The following PALM2AKAP2 variants were observed in gnomAD, a reference collection of about 807,000 sequenced individuals.
PALM2AKAP2 encodes the protein PALM2-AKAP2 fusion protein.
Under a neutral mutation model 71.5 loss-of-function variants are expected in PALM2AKAP2, and 37 were observed. That is an observed-to-expected ratio of 0.52 (90% CI 0.40 to 0.68). The LOEUF (loss-of-function observed/expected upper bound fraction) is 0.68. Ranked by LOEUF, PALM2AKAP2 falls within the 30% of genes least tolerant of loss-of-function variation. The pLI is 0.00. For missense variants in PALM2AKAP2, 1,224 were observed against 1,191.8 expected (o/e 1.03, Z -0.40); for synonymous variants, 468 against 478.8 (o/e 0.98, Z 0.29).
At chr9:109,730,992 C>T (rs1347428206) in intron 1 of PALM2AKAP2, among the ~76,000 whole-genome samples, 2 of 152,054 alleles carry the variant, frequency 1.3e-5, no homozygotes, top group Non-Finnish European at 2.9e-5. Flanking sequence ...GAAGTGCTTT[C>T]CTTTGCTTTC....
intron 1 of PALM2AKAP2, among the ~76,000 whole-genome samples, chr9:109,717,755 C>T (rs1828347747): frequency 6.6e-6 from 1 of 152,196 alleles, no homozygotes; most frequent in African/African-American, 2.4e-5. Context: ...GCAGCCTAAG[C>T]CCTCGACAGA....
At position 110,091,435 on chromosome 9, in the gene PALM2AKAP2, G is replaced by C. The variant is rs137873512; in HGVS notation, c.156+42580G>C. On this transcript the variant is annotated intron_variant, in intron 1 of 3. Transcript: ENST00000374525. The stretch of plus-strand genomic sequence containing the variant: ...GTGTGTGTGTGTGTCTGTGTGATGG[G>C]CTTTTTAATCTTTGAGATTTATTCT... Among the ~76,000 whole-genome samples the C allele has an allele frequency of 1.2e-3, 163 of 141,694 alleles. 2 individuals are homozygous for C. The East Asian group carries it at 0.029, about 25-fold the overall frequency. The allele number at this position is 141,694 out of a possible 152,430, so 93.0% of individuals were successfully genotyped here. A position where few individuals can be genotyped will look rare whatever the true frequency, so the allele number is the denominator to read the frequency against.
intron 1 of PALM2AKAP2, among the ~76,000 whole-genome samples, chr9:109,667,621 C>G (rs2118478667): frequency 6.6e-6 from 1 of 152,040 alleles, no homozygotes; most frequent in East Asian, 1.9e-4. Flanking sequence ...GAAACCCCAT[C>G]TCTACTAAAA....
chr9:110,066,069 G>T (rs535494190), intron 1 of PALM2AKAP2, among the ~76,000 whole-genome samples: 1 of 152,298 alleles, frequency 6.6e-6, no homozygotes, highest in Non-Finnish European at 1.5e-5. Flanking sequence ...CTTTGGAGAA[G>T]TTCACTATCC....
chr9:110,050,862 A>G (rs1345306619), intron 1 of PALM2AKAP2, among the ~76,000 whole-genome samples: 3 of 152,178 alleles, frequency 2.0e-5, no homozygotes, highest in African/African-American at 7.2e-5. Context: ...TCCTGACCTT[A>G]GGTGATTCAC....
intron 1 of PALM2AKAP2, chr9:110,090,376 A>G (rs771472019): frequency 4.2e-5 from 19 of 456,626 alleles, no homozygotes; most frequent in Middle Eastern, 3.2e-4. Flanking sequence ...AGGGAAAGTT[A>G]GGTCATGATT....
chr9:110,089,274 C>A (rs1461428795), intron 1 of PALM2AKAP2, among the ~76,000 whole-genome samples: 2 of 152,090 alleles, frequency 1.3e-5, no homozygotes, highest in African/African-American at 4.8e-5. Context: ...GAAAATGGGG[C>A]TGAAGCCAAG....
intron 5 of PALM2AKAP2, among the ~76,000 whole-genome samples, chr9:109,930,311 C>T (rs949172518): frequency 1.3e-5 from 2 of 152,040 alleles, no homozygotes; most frequent in African/African-American, 4.8e-5. Context: ...CTGCAACCTC[C>T]GCCTCCTGGG....
At chr9:110,135,164 A>AAAAAAAATAT in intron 1 of PALM2AKAP2, among the ~76,000 whole-genome samples, 1 of 51,734 alleles carries the variant, frequency 1.9e-5, no homozygotes, top group African/African-American at 7.3e-5. Flanking sequence ...AAAAAAAAAA[A>AAAAAAAATAT]ATATATAAAT....
At chr9:109,840,270 A>T (rs1158262200) in intron 1 of PALM2AKAP2, among the ~76,000 whole-genome samples, 7 of 152,220 alleles carry the variant, frequency 4.6e-5, no homozygotes, top group Non-Finnish European at 8.8e-5. Flanking sequence ...TGGGGAAAGG[A>T]TTCCCTATTT....
At chr9:109,729,212 A>C (rs1828518084) in intron 1 of PALM2AKAP2, among the ~76,000 whole-genome samples, 1 of 152,104 alleles carries the variant, frequency 6.6e-6, no homozygotes, top group Admixed American at 6.6e-5. Flanking sequence ...TCCTCCGTTA[A>C]TGTGCTAGGT....
In PALM2AKAP2 at chr9:109,693,808, G is replaced by C. The variant is rs143730520; in HGVS notation, c.5+52942G>C. ...TCAATTCCATTGTGGTAAAATTTCAGTCCTTAAACTTATTGATACTTGTTT... is the reference window on the plus strand; with the variant it reads ...TCAATTCCATTGTGGTAAAATTTCACTCCTTAAACTTATTGATACTTGTTT... On this transcript the variant is annotated intron_variant, in intron 1 of 6. Transcript: ENST00000374531. Among the ~76,000 whole-genome samples, 257 of 152,048 alleles carry C rather than the reference G, an allele frequency of 1.7e-3. 1 individual carries two copies. The highest frequency in any genetic ancestry group is 5.7e-3 in the African/African-American group (235 of 41,522).
chr9:110,004,849 G>A (rs547299871), intron 6 of PALM2AKAP2, among the ~76,000 whole-genome samples: 6 of 152,224 alleles, frequency 3.9e-5, no homozygotes, highest in Non-Finnish European at 5.9e-5. Flanking sequence ...CATTCATCAC[G>A]TAGTTCTCGT....
intron 1 of PALM2AKAP2, among the ~76,000 whole-genome samples, chr9:109,647,693 C>T (rs1416350361): frequency 6.6e-6 from 1 of 152,200 alleles, no homozygotes; most frequent in African/African-American, 2.4e-5. Context: ...GGTCTGTGCT[C>T]TTGCTCTGTC....
intron 1 of PALM2AKAP2, among the ~76,000 whole-genome samples, chr9:109,831,567 C>T (rs1226188482): frequency 3.9e-5 from 6 of 152,264 alleles, no homozygotes; most frequent in Admixed American, 2.0e-4. Flanking sequence ...TTCTGGGAGT[C>T]GTTTGCAGGC....
chr9:110,088,410 G>A (rs1218702259), intron 1 of PALM2AKAP2, among the ~76,000 whole-genome samples: 1 of 152,230 alleles, frequency 6.6e-6, no homozygotes, highest in Non-Finnish European at 1.5e-5. Flanking sequence ...TGAAGATTTG[G>A]CCCAAGGCCA....
intron 1 of PALM2AKAP2, among the ~76,000 whole-genome samples, chr9:109,842,997 G>A (rs576414368): frequency 3.3e-5 from 5 of 151,830 alleles, no homozygotes; most frequent in South Asian, 2.1e-4. Context: ...AAAATTTGCC[G>A]GGCGTGGTGG....
intron 1 of PALM2AKAP2, among the ~76,000 whole-genome samples, chr9:109,646,707 C>G (rs1827160713): frequency 6.6e-6 from 1 of 152,194 alleles, no homozygotes; most frequent in African/African-American, 2.4e-5. Context: ...GTATGAAGCA[C>G]TGTGATAGGT....
At chr9:110,037,356 G>A (rs1345238539) in intron 7 of PALM2AKAP2, among the ~76,000 whole-genome samples, 1 of 152,050 alleles carries the variant, frequency 6.6e-6, no homozygotes. Context: ...ACAGACATGC[G>A]CCACCACGCC....
Sources: allele counts gnomAD v4.1 joint callset (sites outside exome capture counted in the v4.1 genomes callset), GRCh38; gene constraint gnomAD v4.1.1; transcripts MANE v1.5; gene names NCBI Gene and HGNC (gene_info 2026-07-23, HGNC 2026-07-21).